Variants in PTPRT observed in about 807,000 individuals in gnomAD.
The protein encoded by PTPRT is receptor-type tyrosine-protein phosphatase T.
In PTPRT, 56 loss-of-function variants were observed where a neutral mutation model predicts 176.8. The observed-to-expected ratio is 0.32, with a 90% confidence interval of 0.26 to 0.40. The LOEUF is 0.40. Ranked by LOEUF, PTPRT falls within the 10% of genes least tolerant of loss-of-function variation. The pLI, the probability that PTPRT is intolerant of heterozygous loss-of-function variation, is 1.00. For synonymous variants in PTPRT, 783 were observed against 739.0 expected, an observed-to-expected ratio of 1.06 and a Z score of -0.96; for missense variants, 1,540 against 1,908.2, an observed-to-expected ratio of 0.81 and a Z score of 3.60.
intron 7 of PTPRT, among the ~76,000 whole-genome samples, chr20:42,498,968 C>T (rs1601134790): frequency 1.3e-5 from 2 of 152,224 alleles, no homozygotes; most frequent in African/African-American, 2.4e-5. Flanking sequence ...GTAACCCAAC[C>T]GCCTTTGGGA....
At position 42,573,745 on chromosome 20, in the gene PTPRT, C is replaced by CTTT. The variant is rs201228742; in HGVS notation, c.1154-101186_1154-101184dup. On this transcript the variant is annotated intron_variant, in intron 7 of 30. Transcript: ENST00000373187. ...AAATGGCAAGACGGACCCTTTCTTT[C>CTTT]TTTCTTTTTTTTTTTTTTTTTGAGA... Among the ~76,000 whole-genome samples, 135 of 115,452 alleles carry CTTT rather than the reference C, an allele frequency of 1.2e-3. 11 individuals carry two copies. The highest frequency in any genetic ancestry group is 4.3e-3 in the African/African-American group (124 of 28,802). The allele number at this position is 115,452 out of a possible 152,430, so 75.7% of individuals were successfully genotyped here.
chr20:42,385,164 A>T (rs1379968404), intron 9 of PTPRT, among the ~76,000 whole-genome samples: 1 of 152,156 alleles, frequency 6.6e-6, no homozygotes, highest in Non-Finnish European at 1.5e-5. Context: ...CGCCCAGACC[A>T]ATGTCATGGA....
chr20:43,083,337 T>TATATATATATACATAC (rs2011500855), intron 1 of PTPRT, among the ~76,000 whole-genome samples: 1 of 105,790 alleles, frequency 9.5e-6, no homozygotes, highest in African/African-American at 3.7e-5. Flanking sequence ...TATATATATA[T>TATATATATATACATAC]ATATATATAT....
intron 9 of PTPRT, among the ~76,000 whole-genome samples, chr20:42,391,839 C>T (rs990955669): frequency 1.6e-4 from 25 of 152,188 alleles, no homozygotes; most frequent in Admixed American, 1.6e-3. Flanking sequence ...TATTGGATTT[C>T]CTTTTCTTTC....
chr20:42,584,561 C>A (rs2073438378), intron 7 of PTPRT, among the ~76,000 whole-genome samples: 1 of 152,140 alleles, frequency 6.6e-6, no homozygotes, highest in African/African-American at 2.4e-5. Flanking sequence ...TCCACCTCAG[C>A]CCTCTGGAGA....
chr20:42,636,915 A>C (rs7269473), intron 7 of PTPRT, among the ~76,000 whole-genome samples: 37,587 of 151,956 alleles, frequency 0.25, 6,922 homozygotes, highest in African/African-American at 0.52. Flanking sequence ...TAGGGATTCT[A>C]TCATATTCTT....
rs549553224 is a variant in PTPRT, at chr20:42,558,670, C to A, written c.1154-86108G>T. ...GAGGGGTATCTCAAACCCAACTCTA[C>A]TAATCTCAAACCCAACTCACCCTCA... On this transcript the variant is annotated intron_variant, in intron 7 of 30. Transcript: ENST00000373187. 1.2e-3 allele frequency among the ~76,000 whole-genome samples: 178 copies of A among 152,264 alleles called. 1 individual carries two copies. In the Middle Eastern group the frequency reaches 0.017, roughly 15 times the overall value.
intron 1 of PTPRT, among the ~76,000 whole-genome samples, chr20:43,033,489 G>A (rs1986232749): frequency 6.6e-6 from 1 of 152,090 alleles, no homozygotes; most frequent in African/African-American, 2.4e-5. Flanking sequence ...AAACTGCCCT[G>A]TCATCCGCAC....
chr20:42,234,968 G>A (rs1241286717), intron 15 of PTPRT, among the ~76,000 whole-genome samples: 6 of 152,170 alleles, frequency 3.9e-5, no homozygotes, highest in Admixed American at 6.5e-5. Context: ...AGCTGAGTTT[G>A]CCAGAGGTGA....
chr20:42,578,739 C>A (rs1302048042), intron 7 of PTPRT, among the ~76,000 whole-genome samples: 3 of 152,126 alleles, frequency 2.0e-5, no homozygotes, highest in Non-Finnish European at 4.4e-5. Context: ...TCTGCAATCG[C>A]CTCCTACAGT....
intron 3 of PTPRT, among the ~76,000 whole-genome samples, chr20:42,783,756 C>A (rs144044674): frequency 1.3e-5 from 2 of 152,168 alleles, no homozygotes; most frequent in African/African-American, 4.8e-5. Flanking sequence ...AATTCAACCA[C>A]GGCCCTTGAG....
intron 17 of PTPRT, 87 bp downstream of exon 17, chr20:42,161,265 G>A (rs958098227): frequency 3.9e-5 from 59 of 1,494,336 alleles, no homozygotes; most frequent in Non-Finnish European, 5.4e-5. Context: ...CTGCTGGCCA[G>A]GGAGCCATAC....
chr20:42,795,591 GT>G (rs2077443263), intron 2 of PTPRT, among the ~76,000 whole-genome samples: 3 of 152,220 alleles, frequency 2.0e-5, no homozygotes, highest in Non-Finnish European at 4.4e-5. Context: ...GCTCAGCATG[GT>G]CCCTGCAGAC....
At chr20:42,900,403 G>A (rs1363783346) in intron 1 of PTPRT, among the ~76,000 whole-genome samples, 1 of 152,176 alleles carries the variant, frequency 6.6e-6, no homozygotes, top group Non-Finnish European at 1.5e-5. Context: ...AGCAAACATG[G>A]ATGCCTGGCT....
At chr20:42,553,019 A>T (rs2072796186) in intron 7 of PTPRT, among the ~76,000 whole-genome samples, 1 of 152,150 alleles carries the variant, frequency 6.6e-6, no homozygotes, top group African/African-American at 2.4e-5. Flanking sequence ...TTTAGTCTAT[A>T]TCTCTATTCT....
At chr20:43,174,607 T>C (rs1382292871) in intron 1 of PTPRT, among the ~76,000 whole-genome samples, 1 of 152,224 alleles carries the variant, frequency 6.6e-6, no homozygotes, top group African/African-American at 2.4e-5. Flanking sequence ...TTTCTGCTTT[T>C]CATTCCAACT....
chr20:42,690,663 C>G (rs3092692), intron 6 of PTPRT, among the ~76,000 whole-genome samples: 5,786 of 152,244 alleles, frequency 0.038, 406 homozygotes, highest in African/African-American at 0.13. Flanking sequence ...AAACTATGCC[C>G]AATACACTTC....
chr20:42,664,364 T>C (rs1481566674), intron 7 of PTPRT, among the ~76,000 whole-genome samples: 2 of 152,158 alleles, frequency 1.3e-5, no homozygotes, highest in African/African-American at 2.4e-5. Flanking sequence ...GCATAGAAGA[T>C]TTTTCTTTTT....
At chr20:42,589,284 T>C (rs748002474) in intron 7 of PTPRT, among the ~76,000 whole-genome samples, 1 of 152,208 alleles carries the variant, frequency 6.6e-6, no homozygotes, top group Admixed American at 6.5e-5. Context: ...TGCCAAGTTA[T>C]CTTTATCTGG....
Sources: gnomAD v4.1 joint callset for allele counts (sites outside exome capture counted in the v4.1 genomes callset) on GRCh38, gnomAD v4.1.1 for gene constraint, MANE v1.5 for transcripts, NCBI Gene and HGNC (gene_info 2026-07-23, HGNC 2026-07-21) for gene names.